Variants in TXNRD1 observed in about 807,000 individuals in gnomAD.
TXNRD1 encodes thioredoxin reductase 1, cytoplasmic.
TXNRD1 carries 57 observed loss-of-function variants against 80.3 expected under a neutral mutation model. The observed-to-expected ratio is 0.71, with a 90% CI of 0.57 to 0.89. The LOEUF is 0.89. Ranked by LOEUF, TXNRD1 falls within the 40% of genes least tolerant of loss-of-function variation. The probability of loss-of-function intolerance (pLI) is 0.00; values close to 1 mark genes in which losing one functional copy is unlikely to be tolerated. For synonymous variants in TXNRD1, 291 were observed against 285.2 expected, an observed-to-expected ratio of 1.02 and a Z score of -0.20; for missense variants, 730 against 803.0, an observed-to-expected ratio of 0.91 and a Z score of 1.10.
intron 4 of TXNRD1, among the ~76,000 whole-genome samples, chr12:104,297,925 T>C (rs1593778120): frequency 6.6e-6 from 1 of 152,128 alleles, no homozygotes; most frequent in Non-Finnish European, 1.5e-5. Flanking sequence ...ACCTGAAAGG[T>C]TGTTCTTTTC....
At chr12:104,317,507 A>C (rs2035373177) in intron 7 of TXNRD1, among the ~76,000 whole-genome samples, 1 of 151,560 alleles carries the variant, frequency 6.6e-6, no homozygotes, top group Admixed American at 6.6e-5. Flanking sequence ...TGTCATTCCC[A>C]CTTCCAGAGG....
intron 1 of TXNRD1, among the ~76,000 whole-genome samples, chr12:104,217,965 T>C (rs182846176): frequency 2.0e-5 from 3 of 152,056 alleles, no homozygotes; most frequent in Admixed American, 6.6e-5. Context: ...TGTGTATATG[T>C]ACATACACAC....
intron 3 of TXNRD1, among the ~76,000 whole-genome samples, chr12:104,280,914 C>A (rs2033863518): frequency 6.6e-6 from 1 of 152,062 alleles, no homozygotes; most frequent in Non-Finnish European, 1.5e-5. Flanking sequence ...TACATGTATC[C>A]TATTGGTTCT....
At chr12:104,264,095 T>C (rs956775917) in intron 3 of TXNRD1, among the ~76,000 whole-genome samples, 1 of 152,226 alleles carries the variant, frequency 6.6e-6, no homozygotes, top group Non-Finnish European at 1.5e-5. Flanking sequence ...CACTTTGGTA[T>C]TGATACTTAC....
chr12:104,309,065 T>A (rs980141671), intron 4 of TXNRD1, among the ~76,000 whole-genome samples: 5 of 151,730 alleles, frequency 3.3e-5, no homozygotes, highest in Non-Finnish European at 4.4e-5. Context: ...GCCCGGCTAA[T>A]TTTTTTTGTA....
Position 104,242,234 on chromosome 12 carries a change from C to T in TXNRD1, c.92-9293C>T, listed in dbSNP as rs1054633315. 4.0e-5 allele frequency among the ~76,000 whole-genome samples: 6 copies of T among 151,486 alleles called. No individual in the cohort carries two copies. The East Asian group carries it at 5.9e-4, about 15-fold the overall frequency. Reference sequence around the variant, plus strand: ...GATTACAGGCATGAGCCACTGTGTCCGGCCTACTAATGATTTTTTAAAAGC... The same window carrying T: ...GATTACAGGCATGAGCCACTGTGTCTGGCCTACTAATGATTTTTTAAAAGC... On this transcript the variant is annotated intron_variant, in intron 1 of 16. Transcript: ENST00000525566.
chr12:104,279,565 T>C (rs1460619382), intron 3 of TXNRD1, among the ~76,000 whole-genome samples: 2 of 152,150 alleles, frequency 1.3e-5, no homozygotes, highest in Admixed American at 6.5e-5. Context: ...CAGAGAGGCT[T>C]AGTAACTTGG....
At chr12:104,272,288 C>G (rs1002005596) in intron 3 of TXNRD1, among the ~76,000 whole-genome samples, 13 of 152,028 alleles carry the variant, frequency 8.6e-5, no homozygotes, top group African/African-American at 2.7e-4. Flanking sequence ...AAGGTTAGAT[C>G]GCAAAGGCTA....
chr12:104,216,694 A>G (rs1461870238), intron 1 of TXNRD1, among the ~76,000 whole-genome samples: 2 of 152,192 alleles, frequency 1.3e-5, no homozygotes, highest in Non-Finnish European at 2.9e-5. Context: ...AAAGCACACA[A>G]CTAGTAAGTG....
Position 104,311,312 on chromosome 12 carries a change from A to C in TXNRD1, c.437A>C (p.Gln146Pro). ...TLKAYQEGRL[Q>P]KLLKMNGPED... ...TAGGCTTATCAGGAGGGCAGACTTC[A>C]AAAGCTACTAAAAATGAACGGCCCT... The change falls in exon 5 of 17, where the codon CAA (glutamine) becomes CCA (proline). Residue 146 changes from glutamine to proline, a missense_variant. By Grantham distance (76) the Gln-to-Pro change is moderately conservative. Coordinates refer to ENST00000525566, the MANE Select transcript of TXNRD1 (RefSeq NM_001093771.3). The C allele has an allele frequency of 6.2e-7, 1 of 1,605,956 alleles. No individual in the cohort carries two copies. Among genetic ancestry groups the C allele is most frequent in the East Asian group, 2.2e-5 (1 of 44,770 alleles).
chr12:104,240,928 A>G (rs1393869784), intron 1 of TXNRD1, among the ~76,000 whole-genome samples: 1 of 150,476 alleles, frequency 6.6e-6, no homozygotes, highest in Non-Finnish European at 1.5e-5. Context: ...TTTTTAGTAG[A>G]GATGGGGTTT....
At chr12:104,302,154 G>A (rs1195369392) in intron 4 of TXNRD1, among the ~76,000 whole-genome samples, 3 of 152,176 alleles carry the variant, frequency 2.0e-5, no homozygotes, top group African/African-American at 4.8e-5. Context: ...TTTGAAAAAT[G>A]CACGTATCTC....
intron 12 of TXNRD1, among the ~76,000 whole-genome samples, chr12:104,327,247 C>A (rs1252842082): frequency 6.6e-6 from 1 of 152,172 alleles, no homozygotes; most frequent in Non-Finnish European, 1.5e-5. Context: ...AATTTAGAAT[C>A]CTCACTCTTA....
intron 7 of TXNRD1, among the ~76,000 whole-genome samples, chr12:104,318,227 GAAT>G (rs1344159385): frequency 2.6e-5 from 4 of 152,164 alleles, no homozygotes; most frequent in East Asian, 1.9e-4. Flanking sequence ...GAATCAAAAA[GAAT>G]AAAAAAGTTT....
chr12:104,231,352 T>A (rs1232647473), intron 1 of TXNRD1, among the ~76,000 whole-genome samples: 1 of 152,182 alleles, frequency 6.6e-6, no homozygotes, highest in East Asian at 1.9e-4. Flanking sequence ...AAGAATGGCA[T>A]GTCCATGCAT....
intron 4 of TXNRD1, chr12:104,309,759 T>C (rs1185548401): frequency 6.6e-7 from 1 of 1,523,086 alleles, no homozygotes; most frequent in Admixed American, 2.0e-5. Context: ...TCCCCCACAG[T>C]GCTTTGTATT....
intron 1 of TXNRD1, among the ~76,000 whole-genome samples, chr12:104,230,055 A>C (rs1339710551): frequency 6.6e-6 from 1 of 151,780 alleles, no homozygotes; most frequent in African/African-American, 2.4e-5. Flanking sequence ...ACCATATGGT[A>C]ACTATATGTT....
chr12:104,266,985 T>TAAAATA (rs1277951796), intron 3 of TXNRD1, among the ~76,000 whole-genome samples: 1 of 142,584 alleles, frequency 7.0e-6, no homozygotes, highest in Non-Finnish European at 1.5e-5. Flanking sequence ...TAAAATAAAA[T>TAAAATA]AAAATAAAAA....
chr12:104,299,094 A>T (rs2034527428), intron 4 of TXNRD1, among the ~76,000 whole-genome samples: 1 of 152,214 alleles, frequency 6.6e-6, no homozygotes, highest in Non-Finnish European at 1.5e-5. Context: ...TCACAAATAC[A>T]GTATTTATTT....
Sources: gnomAD v4.1 joint callset for allele counts (sites outside exome capture counted in the v4.1 genomes callset) on GRCh38, gnomAD v4.1.1 for gene constraint, MANE v1.5 for transcripts, NCBI Gene and HGNC (gene_info 2026-07-23, HGNC 2026-07-21) for gene names.